The following MACF1 variants were observed in gnomAD, a reference collection of about 807,000 sequenced individuals.
The protein encoded by MACF1 is microtubule actin crosslinking factor 1, also known as microtubule-actin cross-linking factor 1.
MACF1 carries 193 observed loss-of-function variants against 854.8 expected under a neutral mutation model. The ratio of observed to expected loss-of-function variants is 0.23; its 90% CI spans 0.20 to 0.25. MACF1 has a LOEUF of 0.25. MACF1 is among the 10% of genes least tolerant of loss of function. The pLI is 1.00. For missense variants in MACF1, 7,722 were observed against 8,929.1 expected, an observed-to-expected ratio of 0.86 and a Z score of 5.45; for synonymous variants, 3,185 against 3,226.7, an observed-to-expected ratio of 0.99 and a Z score of 0.44.
chr1:39,252,005 T>G, intron 4 of MACF1, 64 bp downstream of exon 4: 3 of 1,116,876 alleles, frequency 2.7e-6, no homozygotes, highest in Middle Eastern at 2.8e-4. Flanking sequence ...GCCATCAGAG[T>G]CTGAGGTTCT....
intron 58 of MACF1, chr1:39,412,867 G>A: frequency 1.2e-6 from 2 of 1,610,970 alleles, no homozygotes; most frequent in Non-Finnish European, 1.7e-6. Context: ...TGCCCCAGAG[G>A]GAACTGCTGT....
intron 61 of MACF1, among the ~76,000 whole-genome samples, chr1:39,426,045 A>G (rs963404933): frequency 3.3e-5 from 5 of 152,176 alleles, no homozygotes; most frequent in Non-Finnish European, 7.4e-5. Context: ...TATTACAATA[A>G]ATTCTTCAAA....
At position 39,331,352 on chromosome 1, in the gene MACF1, G is replaced by A. The variant is rs770609221; in HGVS notation, c.4764G>A (p.Glu1588=). Residue 1588 remains glutamate, a synonymous_variant, in exon 37 of 101, where the codon GAG becomes GAA. Coordinates refer to ENST00000564288, the MANE Select transcript of MACF1 (RefSeq NM_001394062.1). The stretch of plus-strand genomic sequence containing the variant: ...TCATGTCTGGCCTCATTGCCCCTGA[G>A]ACGGGTGAAAACCTCTCTTTGGAGG... ...QVIMSGLIAP[E]TGENLSLEEG... is the part of the protein sequence containing the mutation. 1.2e-6 allele frequency: 2 copies of A among 1,613,966 alleles called. No homozygotes were observed. Among genetic ancestry groups the A allele is most frequent in the East Asian group, 4.5e-5 (2 of 44,866 alleles).
chr1:39,227,069 G>T (rs1456164706), intron 1 of MACF1, among the ~76,000 whole-genome samples: 1 of 152,128 alleles, frequency 6.6e-6, no homozygotes, highest in Non-Finnish European at 1.5e-5. Flanking sequence ...TGTTTTTTCA[G>T]GCAGGGTCTC....
chr1:39,111,385 T>A lies in MACF1; in HGVS notation c.220+26947T>A, dbSNP rs1311517436. Among the ~76,000 whole-genome samples, 7 of 151,672 alleles carry A rather than the reference T, an allele frequency of 4.6e-5. No homozygotes were observed. In the East Asian group the frequency reaches 1.2e-3, roughly 25 times the overall value. ...TAATTATTTTATTTATTTATTTATT[T>A]ATTTATTTATTTTTGGAGACGGAGT... On this transcript the variant is annotated intron_variant, in intron 2 of 93. Transcript: ENST00000361689.
chr1:39,419,395 C>T (rs1267972470), intron 58 of MACF1, among the ~76,000 whole-genome samples: 1 of 152,124 alleles, frequency 6.6e-6, no homozygotes, highest in Non-Finnish European at 1.5e-5. Flanking sequence ...GCAAAATGCT[C>T]CCAAGTCTGA....
chr1:39,480,921 C>T lies in MACF1; in HGVS notation c.22172C>T (p.Thr7391Ile), dbSNP rs1645001446. Residue 7391 changes from threonine to isoleucine, a missense_variant and splice_region_variant, in exon 99 of 101, where the codon ACT becomes ATT. Physicochemically the swap from Thr to Ile is moderately conservative, Grantham distance 89 (BLOSUM62 -1). Transcript: ENST00000564288. ...SPATPASGTK[T>I]SLQFSRCYDK... is the part of the protein sequence containing the mutation. ...TCCCTTTGGATTTCCGTTTCACAGA[C>T]TTCACTTCAGTTCTCTCGCTGTTAT... The T allele has an allele frequency of 5.2e-6, 8 of 1,531,374 alleles. No homozygotes were observed. The highest frequency in any genetic ancestry group is 7.1e-6 in the Non-Finnish European group (8 of 1,129,280). The allele number at this position is 1,531,374 out of a possible 1,614,324, so 94.9% of individuals were successfully genotyped here.
chr1:39,442,588 A>G (rs1166204579), intron 77 of MACF1, 21 bp downstream of exon 77: 2 of 1,613,600 alleles, frequency 1.2e-6, no homozygotes, highest in South Asian at 1.1e-5. Flanking sequence ...TCATTTTTTC[A>G]TCTCTAACCC....
chr1:39,323,388 C>A (rs1646548085), intron 33 of MACF1, among the ~76,000 whole-genome samples: 1 of 151,512 alleles, frequency 6.6e-6, no homozygotes, highest in Admixed American at 6.6e-5. Flanking sequence ...CTACTATGTA[C>A]CCACAAAAAT....
rs11406070 is a variant in MACF1, at chr1:39,266,594, CTTTTTTT to C, written c.528+8585_528+8591del. The stretch of plus-strand genomic sequence containing the variant: ...GTTGCTTTCCTTTTGTGGTCTTTTC[CTTTTTTT>C]TTTTTTTTTTTTTTTTTTCAGGTCT... On this transcript the variant is annotated intron_variant, in intron 6 of 100. Coordinates refer to ENST00000564288, the MANE Select transcript of MACF1 (RefSeq NM_001394062.1). Among the ~76,000 whole-genome samples, 219 of 58,118 alleles carry C rather than the reference CTTTTTTT, an allele frequency of 3.8e-3. 1 individual carries two copies. The highest frequency in any genetic ancestry group is 5.6e-3 in the Non-Finnish European group (186 of 33,498). The allele number at this position is 58,118 out of a possible 152,430, so 38.1% of individuals were successfully genotyped here.
chr1:39,129,739 A>G (rs1305154603), intron 2 of MACF1, among the ~76,000 whole-genome samples: 2 of 152,098 alleles, frequency 1.3e-5, no homozygotes, highest in Non-Finnish European at 2.9e-5. Context: ...CTTTTGCCCC[A>G]TCTTATTTTT....
rs1646827060 is a variant in MACF1 at position 39,337,242 on chromosome 1, C to T, written c.10126C>T (p.Leu3376=). The part of the protein sequence containing the change: ...HDEKLVSYLS[L]LRNIEMRTKQ... Reference sequence around the variant, plus strand: ...TGAAAAGCTAGTATCCTATCTGTCTCTGTTACGGAACATTGAAATGAGGAC... The same window carrying T: ...TGAAAAGCTAGTATCCTATCTGTCTTTGTTACGGAACATTGAAATGAGGAC... The change falls in exon 38 of 101, where the codon CTG becomes TTG. Residue 3376 remains leucine, a synonymous_variant. Coordinates refer to ENST00000564288, the MANE Select transcript of MACF1 (RefSeq NM_001394062.1). 4 of 1,614,116 alleles carry T rather than the reference C, an allele frequency of 2.5e-6. No individual in the cohort carries two copies. Among genetic ancestry groups the T allele is most frequent in the Non-Finnish European group, 2.5e-6 (3 of 1,179,986 alleles).
At chr1:39,318,194 G>A (rs1387424623) in intron 29 of MACF1, among the ~76,000 whole-genome samples, 1 of 152,084 alleles carries the variant, frequency 6.6e-6, no homozygotes, top group Non-Finnish European at 1.5e-5. Context: ...AATTTGACAA[G>A]GATTATTGTG....
chr1:39,335,795 C>T lies in MACF1; in HGVS notation c.9207C>T (p.Ala3069=). Residue 3069 remains alanine (A), a synonymous_variant, in exon 37 of 101, where the codon GCC becomes GCT. Coordinates refer to ENST00000564288, the MANE Select transcript of MACF1 (RefSeq NM_001394062.1). The part of the protein sequence containing the change: ...DALTLFSSKQ[A]NEGKVNNLSL... Reference sequence around the variant, plus strand: ...TAACACTCTTCAGCTCTAAACAGGCCAATGAAGGAAAAGTAAACAATTTAA... The same window carrying T: ...TAACACTCTTCAGCTCTAAACAGGCTAATGAAGGAAAAGTAAACAATTTAA... 1 of 1,614,032 alleles carries T rather than the reference C, an allele frequency of 6.2e-7. No individual in the cohort carries two copies. Among genetic ancestry groups the T allele is most frequent in the Non-Finnish European group, 8.5e-7 (1 of 1,179,998 alleles).
At position 39,303,089 on chromosome 1, in the gene MACF1, T is replaced by C. The variant is rs1222230239; in HGVS notation, c.2789+11T>C. ...TGAGATGGCCAGCAGGTAACTTGGC[T>C]CAGCTGCCACTGGTACACCCACCTC... On this transcript the variant is annotated intron_variant, in intron 23 of 100. Coordinates refer to ENST00000564288, the MANE Select transcript of MACF1 (RefSeq NM_001394062.1). The C allele has an allele frequency of 2.5e-6, 4 of 1,612,766 alleles. No homozygotes were observed. Among genetic ancestry groups the C allele is most frequent in the Admixed American group, 3.3e-5 (2 of 59,948 alleles).
intron 44 of MACF1, among the ~76,000 whole-genome samples, chr1:39,354,987 C>G (rs1647403967): frequency 6.6e-6 from 1 of 152,160 alleles, no homozygotes; most frequent in African/African-American, 2.4e-5. Context: ...CAGGCACATT[C>G]TATTGAATGA....
chr1:39,289,692 C>CT (rs1164932499), intron 15 of MACF1, among the ~76,000 whole-genome samples: 4 of 23,538 alleles, frequency 1.7e-4, no homozygotes, highest in Non-Finnish European at 5.1e-4. Flanking sequence ...TGTGGGTTGT[C>CT]CTTTTTTTTT....
chr1:39,371,921 C>G (rs958049750), intron 51 of MACF1, among the ~76,000 whole-genome samples: 1 of 151,898 alleles, frequency 6.6e-6, no homozygotes, highest in South Asian at 2.1e-4. Context: ...TCAAGCAACT[C>G]TCCCGTCTCA....
chr1:39,192,938 C>T (rs1421199127), intron 2 of MACF1, among the ~76,000 whole-genome samples: 1 of 152,040 alleles, frequency 6.6e-6, no homozygotes, highest in Non-Finnish European at 1.5e-5. Context: ...GGTGAAACCC[C>T]GTCTCTACCA....
Sources: gnomAD v4.1 joint callset for allele counts (sites outside exome capture counted in the v4.1 genomes callset) on GRCh38, gnomAD v4.1.1 for gene constraint, MANE v1.5 for transcripts, NCBI Gene and HGNC (gene_info 2026-07-23, HGNC 2026-07-21) for gene names.